Variants in STX2 observed in about 807,000 individuals in gnomAD.
The protein encoded by STX2 is syntaxin 2.
A neutral mutation model predicts 40.6 loss-of-function variants in STX2; 27 were observed. The ratio of observed to expected loss-of-function variants is 0.66; its 90% confidence interval spans 0.49 to 0.92. The LOEUF (loss-of-function observed/expected upper bound fraction) is 0.92. Among genes scored for constraint, STX2 ranks in the 40% least tolerant of loss-of-function variants. The probability of loss-of-function intolerance (pLI) is 0.00; values close to 1 mark genes in which losing one functional copy is unlikely to be tolerated. For synonymous variants in STX2, 123 were observed against 119.1 expected (o/e 1.03, Z -0.22); for missense variants, 328 against 366.1 (o/e 0.90, Z 0.85).
rs78107787 is a variant in STX2, at chr12:130,829,183, G to A, written c.31-1916C>T. Among the ~76,000 whole-genome samples the A allele has an allele frequency of 6.8e-4, 103 of 152,274 alleles. 1 individual carries two copies. Among genetic ancestry groups the A allele is most frequent in the African/African-American group, 2.3e-3 (96 of 41,552 alleles). On this transcript the variant is annotated intron_variant, in intron 1 of 10. Transcript: ENST00000392373. ...TATGGTCTCAGAGCTAAGCGGTGCC[G>A]AACCAGTAGCTGACGCCAGGTCTGA... is the stretch of plus-strand genomic sequence containing the variant.
chr12:130,806,996 C>T lies in STX2; in HGVS notation c.449G>A (p.Arg150His), dbSNP rs749093431. The T allele has an allele frequency of 1.2e-6, 2 of 1,613,770 alleles. No individual in the cohort carries two copies. Among genetic ancestry groups the T allele is most frequent in the Non-Finnish European group, 8.5e-7 (1 of 1,179,646 alleles). ...FRERSKGRIQ[R>H]QLEITGRTTT... ...CCATTACTCACTTATCTCCAGCTGGCGCTGGATGCGGCCTTTGCTCCGCTC... is the reference window on the plus strand; with the variant it reads ...CCATTACTCACTTATCTCCAGCTGGTGCTGGATGCGGCCTTTGCTCCGCTC... The change falls in exon 6 of 11, where the codon CGC becomes CAC. Residue 150 changes from arginine (R) to histidine (H), a missense_variant. Transcript: ENST00000392373.
At chr12:130,814,768 C>T (rs1001880814) in intron 3 of STX2, among the ~76,000 whole-genome samples, 2 of 151,198 alleles carry the variant, frequency 1.3e-5, no homozygotes, top group Non-Finnish European at 2.9e-5. Flanking sequence ...TCCCAAGTAG[C>T]TGGGATTACA....
chr12:130,820,329 CA>C (rs1565927064), intron 3 of STX2, among the ~76,000 whole-genome samples: 1 of 152,174 alleles, frequency 6.6e-6, no homozygotes, highest in African/African-American at 2.4e-5. Flanking sequence ...ATGCAAAAAT[CA>C]TTGTATTTCT....
chr12:130,832,779 C>T (rs1217047337), intron 1 of STX2, among the ~76,000 whole-genome samples: 2 of 152,206 alleles, frequency 1.3e-5, no homozygotes, highest in Non-Finnish European at 2.9e-5. Flanking sequence ...CCACTGCTGA[C>T]CATCCACTCA....
At chr12:130,818,182 A>AAT (rs2136306299) in intron 3 of STX2, among the ~76,000 whole-genome samples, 1 of 37,382 alleles carries the variant, frequency 2.7e-5, no homozygotes, top group Non-Finnish European at 5.7e-5. Flanking sequence ...AAAAAAAAAA[A>AAT]AAAATATATA....
In STX2 at chr12:130,814,288, G is replaced by C. The variant is rs183064870; in HGVS notation, c.206-1257C>G. ...AAAACAGACAAGACAAACCCAGGAA[G>C]CGCCAATGCCACGCAGAGACTAACA... On this transcript the variant is annotated intron_variant, in intron 3 of 10. Coordinates refer to ENST00000392373, the MANE Select transcript of STX2 (RefSeq NM_194356.4). Among the ~76,000 whole-genome samples the C allele has an allele frequency of 3.4e-4, 51 of 152,164 alleles. 1 individual carries two copies. In the East Asian group the frequency reaches 9.3e-3, roughly 28 times the overall value.
chr12:130,807,603 G>A (rs865955459), intron 5 of STX2, among the ~76,000 whole-genome samples: 78 of 152,230 alleles, frequency 5.1e-4, no homozygotes, highest in Admixed American at 3.9e-4. Context: ...TCATCGCCTC[G>A]TGCCCTCGAG....
chr12:130,803,684 A>C lies in STX2; in HGVS notation c.464-2196T>G, dbSNP rs865939442. Among the ~76,000 whole-genome samples, 125 of 126,754 alleles carry C rather than the reference A, an allele frequency of 9.9e-4. 7 individuals carry two copies. The highest frequency in any genetic ancestry group is 2.5e-3 in the African/African-American group (83 of 33,026). The allele number at this position is 126,754 out of a possible 152,430, so 83.2% of individuals were successfully genotyped here. ...TCTCTCTCAAAAAAAAAAAAAAAAA[A>C]AAAAACAAACTAAAAGTTACAGTTC... On this transcript the variant is annotated intron_variant, in intron 6 of 10. Transcript: ENST00000392373.
intron 3 of STX2, among the ~76,000 whole-genome samples, chr12:130,818,185 A>AAAAAAAAATATATAT: frequency 2.7e-4 from 19 of 70,526 alleles, no homozygotes; most frequent in Non-Finnish European, 3.7e-4. Flanking sequence ...AAAAAAAAAA[A>AAAAAAAAATATATAT]ATATATATAT....
intron 1 of STX2, among the ~76,000 whole-genome samples, chr12:130,835,648 C>A (rs12366541): frequency 6.6e-6 from 1 of 152,216 alleles, no homozygotes; most frequent in African/African-American, 2.4e-5. Context: ...GCATGCATCC[C>A]CACCCACGCT....
intron 1 of STX2, among the ~76,000 whole-genome samples, chr12:130,827,499 G>A (rs188149571): frequency 2.7e-4 from 41 of 152,292 alleles, no homozygotes; most frequent in African/African-American, 7.7e-4. Flanking sequence ...GAAACAAGGG[G>A]TGGCTTTCTC....
chr12:130,818,600 A>G (rs1384413811), intron 3 of STX2, among the ~76,000 whole-genome samples: 2 of 152,216 alleles, frequency 1.3e-5, no homozygotes, highest in Non-Finnish European at 2.9e-5. Flanking sequence ...CCGGGTCTCC[A>G]TGAGTCTGAT....
At chr12:130,805,159 AACTTTTTCATAG>A (rs769759671) in intron 6 of STX2, among the ~76,000 whole-genome samples, 21 of 152,340 alleles carry the variant, frequency 1.4e-4, no homozygotes, top group Non-Finnish European at 2.2e-4. Flanking sequence ...GGTTTGTAAA[AACTTTTTCATAG>A]AAAAGCAGTC....
At chr12:130,819,346 A>T (rs1952025285) in intron 3 of STX2, among the ~76,000 whole-genome samples, 1 of 151,698 alleles carries the variant, frequency 6.6e-6, no homozygotes, top group African/African-American at 2.4e-5. Flanking sequence ...TTTAGGAACA[A>T]GGCGGGAAGG....
chr12:130,803,573 G>A (rs1352808043), intron 6 of STX2, among the ~76,000 whole-genome samples: 1 of 151,522 alleles, frequency 6.6e-6, no homozygotes, highest in East Asian at 1.9e-4. Context: ...AGGCTGAGGT[G>A]GGAGGATCCC....
rs1304737052 is a variant in STX2, at chr12:130,790,434, C to T, written c.*1589G>A. The T allele has an allele frequency of 6.6e-6, 1 of 152,194 alleles. No homozygotes were observed. Among genetic ancestry groups the T allele is most frequent in the Non-Finnish European group, 1.5e-5 (1 of 68,028 alleles). The allele number at this position is 152,194 out of a possible 1,614,324, so 9.4% of individuals were successfully genotyped here. On this transcript the variant is annotated 3_prime_UTR_variant, in exon 11 of 11. Coordinates refer to ENST00000392373, the MANE Select transcript of STX2 (RefSeq NM_194356.4). ...CACGACATTTGGGGCATCCTGCATG[C>T]ACTCCTTTAACATTCTGACTAGTGA...
At chr12:130,828,633 G>A (rs111687794) in intron 1 of STX2, among the ~76,000 whole-genome samples, 3,919 of 151,646 alleles carry the variant, frequency 0.026, 164 homozygotes, top group African/African-American at 0.083. Flanking sequence ...TTGGGAGGCC[G>A]AGGCGGGTGG....
intron 2 of STX2, among the ~76,000 whole-genome samples, chr12:130,823,814 T>A (rs746548344): frequency 6.6e-6 from 1 of 152,146 alleles, no homozygotes; most frequent in Non-Finnish European, 1.5e-5. Flanking sequence ...AAAATAGATC[T>A]CCAAAAAATC....
intron 10 of STX2, 52 bp downstream of exon 10, chr12:130,795,943 T>C: frequency 6.4e-7 from 1 of 1,560,460 alleles, no homozygotes; most frequent in Non-Finnish European, 8.7e-7. Context: ...GCAAATACTA[T>C]TATTGGTTAA....
Sources: gnomAD v4.1 joint callset for allele counts (sites outside exome capture counted in the v4.1 genomes callset) on GRCh38, gnomAD v4.1.1 for gene constraint, MANE v1.5 for transcripts, NCBI Gene and HGNC (gene_info 2026-07-23, HGNC 2026-07-21) for gene names.